The following NNT variants were observed in gnomAD, a reference collection of about 807,000 sequenced individuals.
NNT encodes the protein NAD(P) transhydrogenase, mitochondrial.
NNT carries 50 observed loss-of-function variants against 104.8 expected under a neutral mutation model. The ratio of observed to expected loss-of-function variants is 0.48; its 90% CI spans 0.38 to 0.60. The LOEUF (loss-of-function observed/expected upper bound fraction) is 0.60, where lower values mean the gene tolerates loss of function less well. Ranked by LOEUF, NNT falls within the 20% of genes least tolerant of loss-of-function variation. NNT has a pLI of 0.00. For synonymous variants in NNT, 461 were observed against 490.4 expected, an observed-to-expected ratio of 0.94 and a Z score of 0.79; for missense variants, 1,131 against 1,330.7, an observed-to-expected ratio of 0.85 and a Z score of 2.33.
intron 19 of NNT, among the ~76,000 whole-genome samples, chr5:43,691,080 T>A (rs950701819): frequency 2.0e-4 from 29 of 143,812 alleles, no homozygotes; most frequent in African/African-American, 4.2e-4. Flanking sequence ...AGTGTGTGTG[T>A]GTGTGTGTGT....
chr5:43,627,844 A>C (rs1447182494), intron 6 of NNT, among the ~76,000 whole-genome samples: 1 of 152,166 alleles, frequency 6.6e-6, no homozygotes, highest in Non-Finnish European at 1.5e-5. Context: ...CCTCATCCTG[A>C]GTGATTTGAA....
At chr5:43,659,402 G>T in intron 17 of NNT, 52 bp downstream of exon 17, 1 of 1,401,382 alleles carries the variant, frequency 7.1e-7, no homozygotes, top group African/African-American at 1.4e-5. Context: ...CTGAAAACAT[G>T]GATGTGCATG....
intron 17 of NNT, among the ~76,000 whole-genome samples, chr5:43,672,377 T>G (rs373472400): frequency 6.6e-6 from 1 of 152,236 alleles, no homozygotes; most frequent in East Asian, 1.9e-4. Flanking sequence ...TTTAGAATTT[T>G]CAGCTTTTCT....
intron 6 of NNT, among the ~76,000 whole-genome samples, chr5:43,624,424 G>A (rs1672345310): frequency 6.6e-6 from 1 of 152,154 alleles, no homozygotes; most frequent in South Asian, 2.1e-4. Context: ...ACTAGTTAGG[G>A]CATAAACAAA....
chr5:43,675,716 A>G (rs1292316968), intron 18 of NNT, 46 bp downstream of exon 18: 2 of 1,350,024 alleles, frequency 1.5e-6, no homozygotes, highest in Non-Finnish European at 9.8e-7. Context: ...AGCTGTTATA[A>G]TTGATGACAT....
In NNT at chr5:43,672,210, C is replaced by T. The variant is rs528553263; in HGVS notation, c.2635-3301C>T. Among the ~76,000 whole-genome samples, 4 of 152,248 alleles carry T rather than the reference C, an allele frequency of 2.6e-5. No homozygotes were observed. In the East Asian group the frequency reaches 7.7e-4, roughly 29 times the overall value. Reference sequence around the variant, plus strand: ...CTTAATATTTTTTCAAGGTTTTTAGCTTTTTGTGATGGGTTCAAACTTCCT... The same window carrying T: ...CTTAATATTTTTTCAAGGTTTTTAGTTTTTTGTGATGGGTTCAAACTTCCT... On this transcript the variant is annotated intron_variant, in intron 17 of 21. Coordinates refer to ENST00000344920, the MANE Select transcript of NNT (RefSeq NM_182977.3).
chr5:43,608,755 T>C (rs1412157086), intron 1 of NNT, among the ~76,000 whole-genome samples: 1 of 152,216 alleles, frequency 6.6e-6, no homozygotes, highest in African/African-American at 2.4e-5. Flanking sequence ...CTGAATTACA[T>C]GCACTTTTTG....
intron 5 of NNT, among the ~76,000 whole-genome samples, chr5:43,620,149 G>A (rs1207442629): frequency 6.6e-6 from 1 of 152,132 alleles, no homozygotes; most frequent in Admixed American, 6.5e-5. Context: ...CCAAACCACA[G>A]CACTAGGTAC....
intron 5 of NNT, among the ~76,000 whole-genome samples, chr5:43,622,817 G>A (rs1031087218): frequency 6.6e-6 from 1 of 150,456 alleles, no homozygotes; most frequent in South Asian, 2.1e-4. Context: ...AGTAAATTTC[G>A]ATAGTAAGAT....
chr5:43,692,053 A>G (rs2112198866), intron 19 of NNT, among the ~76,000 whole-genome samples: 1 of 152,346 alleles, frequency 6.6e-6, no homozygotes. Flanking sequence ...CTGGGGAGAA[A>G]ACAAAAATAT....
intron 7 of NNT, among the ~76,000 whole-genome samples, chr5:43,642,614 G>A (rs531402808): frequency 6.6e-6 from 1 of 152,158 alleles, no homozygotes; most frequent in Non-Finnish European, 1.5e-5. Context: ...GCCCAGTGTG[G>A]CTGAAATAGA....
intron 19 of NNT, among the ~76,000 whole-genome samples, chr5:43,684,368 A>G (rs1345839727): frequency 1.3e-5 from 2 of 152,172 alleles, no homozygotes; most frequent in Non-Finnish European, 2.9e-5. Flanking sequence ...AGGAAGTTAA[A>G]TGAACACTTT....
chr5:43,651,726 T>C lies in NNT; in HGVS notation c.1718-13T>C. 1 of 1,613,764 alleles carries C rather than the reference T, an allele frequency of 6.2e-7. No individual in the cohort carries two copies. The highest frequency in any genetic ancestry group is 8.5e-7 in the Non-Finnish European group (1 of 1,179,850). On this transcript the variant is annotated splice_polypyrimidine_tract_variant and intron_variant, in intron 12 of 21. Transcript: ENST00000344920. ...AGAGGTACTATGTTTTTTATTTCCT[T>C]TGGTTTGCTAAGGTGGCTTTCTGGT...
intron 2 of NNT, among the ~76,000 whole-genome samples, chr5:43,611,913 T>C (rs891189760): frequency 3.3e-5 from 5 of 152,206 alleles, no homozygotes; most frequent in Admixed American, 3.3e-4. Context: ...GATTGTACTA[T>C]ATAGGCTTTT....
At chr5:43,645,653 A>ATCTATCTATCTC (rs1177873975) in intron 10 of NNT, 143 bp downstream of exon 10, 1 of 68,514 alleles carries the variant, frequency 1.5e-5, no homozygotes, top group African/African-American at 6.6e-5. Context: ...CTATCTATCT[A>ATCTATCTATCTC]TCTCTCTCTC....
At chr5:43,703,598 A>C in intron 21 of NNT, among the ~76,000 whole-genome samples, 2 of 152,286 alleles carry the variant, frequency 1.3e-5, no homozygotes, top group South Asian at 4.1e-4. Flanking sequence ...CCATAGAAAG[A>C]CTTTTCATTT....
intron 17 of NNT, among the ~76,000 whole-genome samples, chr5:43,668,332 G>GTT (rs1740835337): frequency 1.3e-5 from 2 of 151,562 alleles, no homozygotes; most frequent in Admixed American, 6.6e-5. Context: ...TGCTTTTGGA[G>GTT]TTTTATACAT....
At chr5:43,659,036 C>G (rs949418763) in intron 16 of NNT, 135 bp from the exon 17 acceptor site, 1 of 798,316 alleles carries the variant, frequency 1.3e-6, no homozygotes, top group East Asian at 2.9e-5. Flanking sequence ...ATGGGAGACA[C>G]TTATTACCGG....
chr5:43,667,223 A>C, intron 17 of NNT: 1 of 1,148,496 alleles, frequency 8.7e-7, no homozygotes. Flanking sequence ...TGGTTCTTGG[A>C]CTTGGCCATG....
Sources: allele counts gnomAD v4.1 joint callset (sites outside exome capture counted in the v4.1 genomes callset), GRCh38; gene constraint gnomAD v4.1.1; transcripts MANE v1.5; gene names NCBI Gene and HGNC (gene_info 2026-07-23, HGNC 2026-07-21).